Variants in COPS5 observed in about 807,000 individuals in gnomAD.
The protein encoded by COPS5 is COP9 signalosome subunit 5.
In COPS5, 8 loss-of-function variants were observed where a neutral mutation model predicts 44.4. The ratio of observed to expected loss-of-function variants is 0.18; its 90% confidence interval spans 0.11 to 0.32. COPS5 has a LOEUF of 0.32. Ranked by LOEUF, COPS5 falls within the 10% of genes least tolerant of loss-of-function variation. The pLI is 1.00. For synonymous variants in COPS5, 122 were observed against 142.8 expected (o/e 0.85, Z 1.04); for missense variants, 159 against 406.4 (o/e 0.39, Z 5.23).
In COPS5 at chr8:67,058,071, TA is replaced by T; in HGVS notation, c.507+11del. On this transcript the variant is annotated intron_variant, in intron 3 of 7. Transcript: ENST00000357849. ...ATAAAGAACTTAATTAAACTGGTTT[TA>T]AAATTCTTACCACCACTGCTACAAA... The T allele has an allele frequency of 6.2e-7, 1 of 1,613,114 alleles. No individual in the cohort carries two copies. The highest frequency in any genetic ancestry group is 8.5e-7 in the Non-Finnish European group (1 of 1,179,146).
In COPS5 at chr8:67,062,048, C is replaced by G. The variant is rs777409372; in HGVS notation, c.-52G>C. The G allele has an allele frequency of 3.7e-6, 6 of 1,613,078 alleles. No individual in the cohort carries two copies. The South Asian group carries it at 5.5e-5, about 15-fold the overall frequency. ...CTCTACAACCAAGACGCAACTTTAC[C>G]TCGCTAGGTTTCCGGGTGTGGGCCT... On this transcript the variant is annotated 5_prime_UTR_variant, in exon 1 of 8. Transcript: ENST00000357849.
chr8:67,059,781 G>C (rs1234764247), intron 1 of COPS5: 1 of 278,860 alleles, frequency 3.6e-6, no homozygotes, highest in Non-Finnish European at 6.9e-6. Flanking sequence ...TTGGATGGTT[G>C]TGCCTAACTG....
intron 6 of COPS5, 144 bp from the exon 7 acceptor site, chr8:67,046,104 GGA>G: frequency 5.1e-6 from 4 of 790,284 alleles, no homozygotes; most frequent in Non-Finnish European, 7.8e-6. Context: ...TAGTCAGTGA[GGA>G]GAGAAGTCAA....
rs1307575325 is a variant in COPS5, at chr8:67,051,256, T to C, written c.745A>G (p.Thr249Ala). 1 of 1,609,638 alleles carries C rather than the reference T, an allele frequency of 6.2e-7. No individual in the cohort carries two copies. The highest frequency in any genetic ancestry group is 8.5e-7 in the Non-Finnish European group (1 of 1,176,616). ...GTAAGCAAGCTAGAAGAACTCAACGTATTCACCCAGTATTTATTCCACAAC... is the reference window on the plus strand; with the variant it reads ...GTAAGCAAGCTAGAAGAACTCAACGCATTCACCCAGTATTTATTCCACAAC... ...ELLWNKYWVN[T>A]LSSSSLLTNA... The change falls in exon 6 of 8, where the codon ACG becomes GCG. Residue 249 changes from threonine (T) to alanine (A), a missense_variant. Physicochemically the swap from Thr to Ala is moderately conservative, Grantham distance 58. This residue lies in a region of COPS5 where 134 missense variants were observed against 376.7 expected (regional missense o/e 0.36). Transcript: ENST00000357849.
intron 3 of COPS5, 144 bp from the exon 4 acceptor site, chr8:67,057,589 A>C (rs889189177): frequency 1.5e-4 from 69 of 459,450 alleles, no homozygotes; most frequent in African/African-American, 1.2e-3. Flanking sequence ...AAACCATAAA[A>C]GTTCAGTAAG....
chr8:67,043,457 T>C, intron 7 of COPS5, 140 bp from the exon 8 acceptor site: 1 of 523,666 alleles, frequency 1.9e-6, no homozygotes, highest in Non-Finnish European at 3.4e-6. Context: ...TCTGAAGTTT[T>C]CCCTTGTGAT....
At chr8:67,050,098 C>T (rs1197753569) in intron 6 of COPS5, among the ~76,000 whole-genome samples, 1 of 151,202 alleles carries the variant, frequency 6.6e-6, no homozygotes, top group Non-Finnish European at 1.5e-5. Context: ...CCCCCCGGGG[C>T]TCATGCCATT....
intron 5 of COPS5, among the ~76,000 whole-genome samples, chr8:67,053,804 A>T (rs928460299): frequency 6.6e-6 from 1 of 151,936 alleles, no homozygotes; most frequent in Non-Finnish European, 1.5e-5. Flanking sequence ...CATGAGATTG[A>T]GACCATCCTG....
chr8:67,043,316 A>T lies in COPS5; in HGVS notation c.922T>A (p.Cys308Ser), dbSNP rs1816659174. The T allele has an allele frequency of 6.3e-7, 1 of 1,586,978 alleles. No homozygotes were observed. Among genetic ancestry groups the T allele is most frequent in the African/African-American group, 1.3e-5 (1 of 74,158 alleles). ...DKLAKATRDS[C>S]KTTIEAIHGL... ...TGGATAGCTTCTATGGTAGTTTTAC[A>T]GCTGGAAAAAAAAACACACATCACA... The change falls in exon 8 of 8, where the codon TGT (cysteine) becomes AGT (serine). Residue 308 changes from cysteine (C) to serine (S), a missense_variant and splice_region_variant. Around this residue, in one of 2 missense-constraint regions of COPS5, gnomAD observed 134 missense variants for 376.7 expected, o/e 0.36. Transcript: ENST00000357849.
intron 1 of COPS5, 111 bp from the exon 2 acceptor site, chr8:67,059,556 G>A: frequency 1.3e-6 from 1 of 774,958 alleles, no homozygotes; most frequent in South Asian, 1.7e-5. Flanking sequence ...CGATGGAAAG[G>A]GAGTGTAGAC....
chr8:67,053,825 T>C (rs1462008150), intron 5 of COPS5, among the ~76,000 whole-genome samples: 2 of 151,348 alleles, frequency 1.3e-5, no homozygotes, highest in African/African-American at 4.9e-5. Flanking sequence ...GCTAAGACGG[T>C]GAAACCCCAT....
intron 6 of COPS5, 78 bp downstream of exon 6, chr8:67,051,152 G>T: frequency 1.0e-6 from 1 of 988,464 alleles, no homozygotes; most frequent in South Asian, 1.3e-5. Flanking sequence ...GCCTTTCTGT[G>T]AAACAGTGTT....
chr8:67,059,120 T>C, intron 2 of COPS5, 91 bp downstream of exon 2: 1 of 755,980 alleles, frequency 1.3e-6, no homozygotes, highest in Non-Finnish European at 2.2e-6. Flanking sequence ...TAAAATTTCA[T>C]GTAAAGGGGA....
At chr8:67,059,625 A>G in intron 1 of COPS5, 180 bp from the exon 2 acceptor site, 1 of 594,246 alleles carries the variant, frequency 1.7e-6, no homozygotes, top group African/African-American at 1.9e-5. Context: ...TAAGTATGTC[A>G]TAGTGCAGCA....
intron 1 of COPS5, chr8:67,059,913 T>C (rs1804560935): frequency 5.9e-6 from 1 of 169,438 alleles, no homozygotes; most frequent in African/African-American, 2.4e-5. Flanking sequence ...CTGTAATATC[T>C]GTGCCTAGGT....
chr8:67,050,511 A>C (rs976076116), intron 6 of COPS5, among the ~76,000 whole-genome samples: 1 of 151,864 alleles, frequency 6.6e-6, no homozygotes, highest in African/African-American at 2.4e-5. Flanking sequence ...TGATTAAGTA[A>C]AGCCAGTCAG....
At chr8:67,050,784 C>A (rs1187485183) in intron 6 of COPS5, among the ~76,000 whole-genome samples, 4 of 149,902 alleles carry the variant, frequency 2.7e-5, no homozygotes, top group Admixed American at 1.3e-4. Context: ...AAAAAAAAGA[C>A]CTCATAATAT....
intron 1 of COPS5, chr8:67,059,767 C>T (rs945265435): frequency 6.8e-6 from 2 of 295,240 alleles, no homozygotes; most frequent in Non-Finnish European, 1.3e-5. Context: ...TGGATTCTGA[C>T]TGCTTGGATG....
chr8:67,057,487 T>A, intron 3 of COPS5, 42 bp from the exon 4 acceptor site: 1 of 1,329,168 alleles, frequency 7.5e-7, no homozygotes, highest in Non-Finnish European at 1.1e-6. Flanking sequence ...TATAAAACTG[T>A]ATGCCTTTTA....
Sources: allele counts gnomAD v4.1 joint callset (sites outside exome capture counted in the v4.1 genomes callset), GRCh38; gene constraint gnomAD v4.1.1; regional missense constraint gnomAD v4.1.1; transcripts MANE v1.5; gene names NCBI Gene and HGNC (gene_info 2026-07-23, HGNC 2026-07-21).